The following PNPLA1 variants were observed in gnomAD, a reference collection of about 807,000 sequenced individuals.
PNPLA1 encodes the protein patatin like domain 1, omega-hydroxyceramide transacylase.
A neutral mutation model predicts 51.7 loss-of-function variants in PNPLA1; 36 were observed. The observed-to-expected ratio is 0.70, with a 90% CI of 0.53 to 0.92. The LOEUF is 0.92. Among genes scored for constraint, PNPLA1 ranks in the 40% least tolerant of loss-of-function variants. The probability of loss-of-function intolerance (pLI) is 0.00; values close to 1 mark genes in which losing one functional copy is unlikely to be tolerated. For synonymous variants in PNPLA1, 293 were observed against 280.1 expected (o/e 1.05, Z -0.46); for missense variants, 658 against 682.5 (o/e 0.96, Z 0.40).
At chr6:36,309,926 C>T (rs2127357521) in intron 8 of PNPLA1, among the ~76,000 whole-genome samples, 1 of 152,330 alleles carries the variant, frequency 6.6e-6, no homozygotes, top group Non-Finnish European at 1.5e-5. Flanking sequence ...ATGGCTAGTC[C>T]TGTGCAAACT....
chr6:36,305,048 T>A (rs548918148), intron 6 of PNPLA1, among the ~76,000 whole-genome samples: 1 of 152,324 alleles, frequency 6.6e-6, no homozygotes, highest in South Asian at 2.1e-4. Context: ...GCCTCAATGG[T>A]GACATCCTAG....
At chr6:36,302,552 G>T (rs574510191) in intron 6 of PNPLA1, 83 bp downstream of exon 6, 134 of 1,487,248 alleles carry the variant, frequency 9.0e-5, no homozygotes, top group Middle Eastern at 1.8e-4. Flanking sequence ...GCTGATAACC[G>T]CTTCTTTAGG....
At chr6:36,283,728 C>A (rs1425438070) in intron 1 of PNPLA1, among the ~76,000 whole-genome samples, 1 of 152,216 alleles carries the variant, frequency 6.6e-6, no homozygotes, top group East Asian at 1.9e-4. Flanking sequence ...AAGTTAGAAG[C>A]AGGATTGACA....
chr6:36,296,095 G>A (rs767757622), intron 5 of PNPLA1, among the ~76,000 whole-genome samples: 3 of 152,176 alleles, frequency 2.0e-5, no homozygotes, highest in Non-Finnish European at 4.4e-5. Flanking sequence ...AGAATCACTT[G>A]AGCCCAGGAA....
intron 6 of PNPLA1, among the ~76,000 whole-genome samples, chr6:36,305,580 C>T (rs1424940441): frequency 6.6e-6 from 1 of 151,908 alleles, no homozygotes; most frequent in African/African-American, 2.4e-5. Context: ...ATGTAAAGAG[C>T]TTACTTAAGA....
chr6:36,291,289 G>A (rs757508669), intron 1 of PNPLA1, 31 bp from the exon 2 acceptor site: 9 of 1,584,738 alleles, frequency 5.7e-6, no homozygotes, highest in Middle Eastern at 1.7e-4. Context: ...GGGTGGCACC[G>A]ACCACCCCCT....
At chr6:36,281,918 G>A (rs1415797620) in intron 1 of PNPLA1, among the ~76,000 whole-genome samples, 1 of 151,614 alleles carries the variant, frequency 6.6e-6, no homozygotes. Flanking sequence ...CTACTCGGGG[G>A]GCTGAAGCAG....
Position 36,291,567 on chromosome 6 carries a change from CTGGG to C in PNPLA1, c.438+16_438+19del. The C allele has an allele frequency of 7.5e-6, 1 of 132,936 alleles. No individual in the cohort carries two copies. Among genetic ancestry groups the C allele is most frequent in the Non-Finnish European group, 1.6e-5 (1 of 63,130 alleles). 8.2% of individuals were successfully genotyped at this position (132,936 alleles called of 1,614,324 possible). The stretch of plus-strand genomic sequence containing the variant: ...AGCTCATTGAGGCAAGGGGGCTGGG[CTGGG>C]AGGGAGGGACACGGAGGGGGCGGGG... On this transcript the variant is annotated intron_variant, in intron 2 of 8. Coordinates refer to ENST00000636260, the MANE Select transcript of PNPLA1 (RefSeq NM_001374623.1).
intron 7 of PNPLA1, among the ~76,000 whole-genome samples, chr6:36,307,284 T>G (rs1771266430): frequency 6.6e-6 from 1 of 152,256 alleles, no homozygotes; most frequent in South Asian, 2.1e-4. Context: ...TGAAAGAGTT[T>G]GTATAAATTT....
At chr6:36,243,461 C>T (rs1023437228) in intron 1 of PNPLA1, among the ~76,000 whole-genome samples, 1 of 152,154 alleles carries the variant, frequency 6.6e-6, no homozygotes, top group African/African-American at 2.4e-5. Flanking sequence ...TGAGAGGTGG[C>T]AAGAGCTCCA....
chr6:36,261,836 C>G (rs1372424117), intron 1 of PNPLA1, among the ~76,000 whole-genome samples: 1 of 152,180 alleles, frequency 6.6e-6, no homozygotes, highest in East Asian at 1.9e-4. Flanking sequence ...CCTAAGTGGC[C>G]ATACTGTACC....
intron 6 of PNPLA1, among the ~76,000 whole-genome samples, chr6:36,303,343 T>C (rs911711117): frequency 1.3e-5 from 2 of 152,334 alleles, no homozygotes; most frequent in Middle Eastern, 3.4e-3. Flanking sequence ...TCTGCCCGCC[T>C]TGGCCTCCCA....
chr6:36,301,753 C>G (rs980066686), intron 5 of PNPLA1, 108 bp from the exon 6 acceptor site: 2 of 1,397,066 alleles, frequency 1.4e-6, no homozygotes, highest in African/African-American at 2.9e-5. Context: ...ACAGAAAGAC[C>G]TTTGAAAAGC....
intron 1 of PNPLA1, 136 bp from the exon 2 acceptor site, chr6:36,291,184 G>A: frequency 4.4e-6 from 3 of 674,648 alleles, no homozygotes; most frequent in Non-Finnish European, 7.6e-6. Flanking sequence ...GATTCCTGGG[G>A]TTTTCCCAGC....
rs5875538 is a variant in PNPLA1 at position 36,252,542 on chromosome 6, C to CA, written c.-81+9298dup. Reference sequence around the variant, plus strand: ...TGTGTGTGTACATGGCAAAAGGGGTCAAAAAAAAAAAAAAAAACCCAGGCA... The same window carrying CA: ...TGTGTGTGTACATGGCAAAAGGGGTCAAAAAAAAAAAAAAAAAACCCAGGCA... On this transcript the variant is annotated intron_variant, in intron 1 of 7. Transcript: ENST00000312917. 1.9e-3 allele frequency among the ~76,000 whole-genome samples: 258 copies of CA among 133,438 alleles called. 1 individual carries two copies. The highest frequency in any genetic ancestry group is 0.015 in the Middle Eastern group (4 of 260). 87.5% of individuals were successfully genotyped at this position (133,438 alleles called of 152,430 possible).
chr6:36,288,710 G>A (rs1011504080), intron 1 of PNPLA1, among the ~76,000 whole-genome samples: 60 of 151,846 alleles, frequency 4.0e-4, no homozygotes, highest in African/African-American at 1.4e-3. Flanking sequence ...CACCCGCCTC[G>A]GCCTCCCAAA....
At chr6:36,254,532 A>T (rs574449180) in intron 1 of PNPLA1, among the ~76,000 whole-genome samples, 3 of 152,252 alleles carry the variant, frequency 2.0e-5, no homozygotes, top group East Asian at 3.9e-4. Flanking sequence ...CTATGATCAC[A>T]GTACTGCATT....
At chr6:36,305,679 C>CA (rs149271526) in intron 6 of PNPLA1, among the ~76,000 whole-genome samples, 4,033 of 151,912 alleles carry the variant, frequency 0.027, 185 homozygotes, top group African/African-American at 0.091. Context: ...CAGGCCCCTT[C>CA]AGGGGATTTT....
chr6:36,305,703 C>T (rs997548893), intron 6 of PNPLA1, among the ~76,000 whole-genome samples: 1 of 151,896 alleles, frequency 6.6e-6, no homozygotes, highest in Non-Finnish European at 1.5e-5. Flanking sequence ...GAAAACCTTC[C>T]CTAACATGCT....
Sources: allele counts gnomAD v4.1 joint callset (sites outside exome capture counted in the v4.1 genomes callset), GRCh38; gene constraint gnomAD v4.1.1; transcripts MANE v1.5; gene names NCBI Gene and HGNC (gene_info 2026-07-23, HGNC 2026-07-21).